The following HAUS4 variants were observed in gnomAD, a reference collection of about 807,000 sequenced individuals.
HAUS4 encodes the protein HAUS augmin-like complex subunit 4.
A neutral mutation model predicts 50.6 loss-of-function variants in HAUS4; 34 were observed. The observed-to-expected ratio is 0.67, with a 90% confidence interval of 0.51 to 0.90. HAUS4 has a LOEUF of 0.90. Ranked by LOEUF, HAUS4 falls within the 40% of genes least tolerant of loss-of-function variation. The pLI is 0.00. For synonymous variants in HAUS4, 149 were observed against 161.4 expected, an observed-to-expected ratio of 0.92 and a Z score of 0.58; for missense variants, 370 against 428.7, an observed-to-expected ratio of 0.86 and a Z score of 1.21.
At chr14:22,947,506 G>A (rs984675972) in intron 8 of HAUS4, 95 bp downstream of exon 8, 72 of 1,354,080 alleles carry the variant, frequency 5.3e-5, no homozygotes, top group South Asian at 1.4e-4. Flanking sequence ...CCCACAAGGC[G>A]CTAGGATAAG....
chr14:22,948,090 A>G lies in HAUS4; in HGVS notation c.563-77T>C, dbSNP rs902012828. On this transcript the variant is annotated intron_variant, in intron 6 of 9. Transcript: ENST00000541587. ...TGTAAAGCAACCTTCCAGTGCCCCT[A>G]TCCTGTATCTAGACCCACAAATCCT... is the stretch of plus-strand genomic sequence containing the variant. 1.7e-5 allele frequency: 23 copies of G among 1,358,648 alleles called. No individual in the cohort carries two copies. In the Admixed American group the frequency reaches 2.8e-4, roughly 16 times the overall value. 84.2% of individuals were successfully genotyped at this position (1,358,648 alleles called of 1,614,324 possible).
chr14:22,946,536 C>T lies in HAUS4; in HGVS notation c.1081G>A (p.Val361Ile). Residue 361 changes from valine (V) to isoleucine (I), a missense_variant, in exon 10 of 10, where the codon GTC (valine) becomes ATC (isoleucine). Physicochemically the swap from Val to Ile is conservative, Grantham distance 29. Transcript: ENST00000541587. Reference sequence around the variant, plus strand: ...GGCCCTGCCAGAGCTCAACGGTAGACCTTGCTGAACTCCTGGAGGGCCCAC... The same window carrying T: ...GGCCCTGCCAGAGCTCAACGGTAGATCTTGCTGAACTCCTGGAGGGCCCAC... ...KRWALQEFSKVYR is the reference protein window; with the variant it reads ...KRWALQEFSKIYR 1 of 1,613,214 alleles carries T rather than the reference C, an allele frequency of 6.2e-7. No homozygotes were observed. Among genetic ancestry groups the T allele is most frequent in the Non-Finnish European group, 8.5e-7 (1 of 1,179,496 alleles).
Position 22,956,927 on chromosome 14 carries a change from G to A in HAUS4, c.-34C>T, listed in dbSNP as rs2044876552. ...CCTCTAAAGCAAACCTGCACACCCT[G>A]GGGCAGCTGAAGCTCTCAAGGCGGT... On this transcript the variant is annotated 5_prime_UTR_variant, in exon 1 of 10. Coordinates refer to ENST00000541587, the MANE Select transcript of HAUS4 (RefSeq NM_001166269.2). 1 of 154,598 alleles carries A rather than the reference G, an allele frequency of 6.5e-6. No homozygotes were observed. The highest frequency in any genetic ancestry group is 2.4e-5 in the African/African-American group (1 of 41,554). The allele number at this position is 154,598 out of a possible 1,614,324, so 9.6% of individuals were successfully genotyped here. A position where few individuals can be genotyped will look rare whatever the true frequency, so the allele number is the denominator to read the frequency against.
chr14:22,946,753 T>A, intron 9 of HAUS4, 45 bp from the exon 10 acceptor site: 266 of 1,035,364 alleles, frequency 2.6e-4, no homozygotes, highest in Non-Finnish European at 3.5e-4. Flanking sequence ...GTGCTGCTCC[T>A]CAGAAAGTAG....
intron 8 of HAUS4, 180 bp downstream of exon 8, chr14:22,947,421 A>T (rs772334748): frequency 6.4e-5 from 48 of 752,230 alleles, no homozygotes; most frequent in Non-Finnish European, 9.2e-5. Context: ...AAGACTGTAA[A>T]AGAAAAGTCT....
chr14:22,952,696 T>G lies in HAUS4; in HGVS notation c.56-13A>C. ...TGTTTGCTGCACACTTAACATCATG[T>G]CCCCACAGGTACAAAAAAACAAAAA... On this transcript the variant is annotated splice_polypyrimidine_tract_variant and intron_variant, in intron 2 of 9. Coordinates refer to ENST00000541587, the MANE Select transcript of HAUS4 (RefSeq NM_001166269.2). The G allele has an allele frequency of 1.9e-6, 3 of 1,572,316 alleles. No individual in the cohort carries two copies. The highest frequency in any genetic ancestry group is 2.6e-6 in the Non-Finnish European group (3 of 1,162,842).
chr14:22,952,493 T>A (rs1169846309), intron 3 of HAUS4, 34 bp from the exon 4 acceptor site: 24 of 1,613,520 alleles, frequency 1.5e-5, no homozygotes, highest in Non-Finnish European at 2.0e-5. Flanking sequence ...TAGGAACCTC[T>A]CTCTCAGGAT....
chr14:22,951,474 A>G, intron 5 of HAUS4, 81 bp downstream of exon 5: 2 of 1,497,270 alleles, frequency 1.3e-6, no homozygotes, highest in South Asian at 2.3e-5. Flanking sequence ...AAAACAATAA[A>G]GCTTGACAAA....
chr14:22,950,149 AAAC>A (rs2044726898), intron 6 of HAUS4, among the ~76,000 whole-genome samples, 162 bp downstream of exon 6: 2 of 151,870 alleles, frequency 1.3e-5, no homozygotes, highest in Non-Finnish European at 2.9e-5. Flanking sequence ...AAAAACAAAA[AAAC>A]AAAAAGTCCT....
At chr14:22,951,025 A>C (rs1304471247) in intron 5 of HAUS4, among the ~76,000 whole-genome samples, 2 of 152,146 alleles carry the variant, frequency 1.3e-5, no homozygotes, top group African/African-American at 4.8e-5. Context: ...TTTTTGAGAC[A>C]GGGTCTCACT....
At chr14:22,951,284 C>T (rs2044747785) in intron 5 of HAUS4, among the ~76,000 whole-genome samples, 2 of 151,760 alleles carry the variant, frequency 1.3e-5, no homozygotes, top group South Asian at 2.1e-4. Flanking sequence ...CGATTATAGG[C>T]GGAAGTCACT....
intron 1 of HAUS4, chr14:22,955,522 T>C (rs1265319845): frequency 5.2e-6 from 1 of 194,108 alleles, no homozygotes; most frequent in Non-Finnish European, 1.0e-5. Flanking sequence ...AAGTTAAAAC[T>C]GAGCTGCAGC....
intron 5 of HAUS4, 154 bp downstream of exon 5, chr14:22,951,401 T>G: frequency 1.3e-6 from 1 of 764,822 alleles, no homozygotes. Context: ...CAGCTTTTAC[T>G]TGCTCCTGTG....
intron 6 of HAUS4, among the ~76,000 whole-genome samples, chr14:22,948,856 T>C (rs1042633457): frequency 5.9e-5 from 9 of 151,946 alleles, no homozygotes; most frequent in East Asian, 3.9e-4. Context: ...TCTTAAGTCA[T>C]AGAAATGGTT....
At chr14:22,953,652 ACT>A (rs1184940071) in intron 2 of HAUS4, among the ~76,000 whole-genome samples, 1 of 124,038 alleles carries the variant, frequency 8.1e-6, no homozygotes, top group African/African-American at 3.2e-5. Flanking sequence ...ACGGAGTCTC[ACT>A]CTGTCACCCA....
intron 4 of HAUS4, among the ~76,000 whole-genome samples, 188 bp downstream of exon 4, chr14:22,952,140 C>T (rs1217895074): frequency 6.6e-6 from 1 of 152,212 alleles, no homozygotes; most frequent in African/African-American, 2.4e-5. Context: ...GCCTCAGCCT[C>T]CCGAGTAGCT....
chr14:22,948,073 A>G, intron 6 of HAUS4, 60 bp from the exon 7 acceptor site: 1 of 1,470,706 alleles, frequency 6.8e-7, no homozygotes, highest in Non-Finnish European at 9.2e-7. Flanking sequence ...CCTGTAAAGC[A>G]ACCTTCCAGT....
intron 1 of HAUS4, 112 bp from the exon 2 acceptor site, chr14:22,955,288 A>C: frequency 1.3e-6 from 1 of 758,410 alleles, no homozygotes; most frequent in Non-Finnish European, 2.4e-6. Flanking sequence ...AAGGAACCTC[A>C]AGGATGACTT....
rs531537731 is a variant in HAUS4, at chr14:22,948,646, C to T, written c.563-633G>A. 7.2e-5 allele frequency among the ~76,000 whole-genome samples: 11 copies of T among 151,826 alleles called. No individual in the cohort carries two copies. In the East Asian group the frequency reaches 2.0e-3, roughly 27 times the overall value. On this transcript the variant is annotated intron_variant, in intron 6 of 9. Transcript: ENST00000541587. ...CACCTCCCAGGTTCAACCAATTCTC[C>T]TGCCTCAGCCTCCCAAGTAGCTGGG...
Sources: gnomAD v4.1 joint callset for allele counts (sites outside exome capture counted in the v4.1 genomes callset) on GRCh38, gnomAD v4.1.1 for gene constraint, MANE v1.5 for transcripts, NCBI Gene and HGNC (gene_info 2026-07-23, HGNC 2026-07-21) for gene names.